Variants in WIPF3 observed in about 807,000 individuals in gnomAD.
WIPF3 encodes WAS/WASL-interacting protein family member 3.
In WIPF3, 33 loss-of-function variants were observed where a neutral mutation model predicts 38.9. The ratio of observed to expected loss-of-function variants is 0.85; its 90% CI spans 0.64 to 1.14. The LOEUF is 1.14. Among genes scored for constraint, WIPF3 ranks in the 50% most tolerant of loss-of-function variants. The pLI is 0.00. For synonymous variants in WIPF3, 324 were observed against 269.3 expected, an observed-to-expected ratio of 1.20 and a Z score of -1.99; for missense variants, 711 against 652.5, an observed-to-expected ratio of 1.09 and a Z score of -0.98.
Position 29,904,240 on chromosome 7 carries a change from C to T in WIPF3, c.1352-46C>T, listed in dbSNP as rs573284145. 35 of 1,585,892 alleles carry T rather than the reference C, an allele frequency of 2.2e-5. No homozygotes were observed. The Admixed American group carries it at 2.3e-4, about 11-fold the overall frequency. On this transcript the variant is annotated intron_variant, in intron 7 of 8. Transcript: ENST00000242140. ...AGTTTCTCTGTGAAACATGCACACC[C>T]GGTCCCTGGGCCAATAGATAATGAG...
intron 4 of WIPF3, among the ~76,000 whole-genome samples, chr7:29,883,391 A>G (rs1785763282): frequency 6.6e-6 from 1 of 152,248 alleles, no homozygotes; most frequent in Non-Finnish European, 1.5e-5. Context: ...CAAATTTCAC[A>G]AAATGCTGGG....
chr7:29,835,093 G>C (rs1241398821), intron 2 of WIPF3, among the ~76,000 whole-genome samples: 2 of 151,756 alleles, frequency 1.3e-5, no homozygotes, highest in Admixed American at 1.3e-4. Context: ...ACAGGCTCGC[G>C]AGTCTGAGTG....
intron 3 of WIPF3, among the ~76,000 whole-genome samples, chr7:29,876,657 A>G (rs748507350): frequency 1.3e-5 from 2 of 152,246 alleles, no homozygotes; most frequent in Non-Finnish European, 2.9e-5. Flanking sequence ...CCTTGTGTCA[A>G]CATGGTCCTT....
At chr7:29,812,350 A>G (rs1784392995) in intron 1 of WIPF3, among the ~76,000 whole-genome samples, 1 of 152,194 alleles carries the variant, frequency 6.6e-6, no homozygotes, top group Admixed American at 6.5e-5. Flanking sequence ...CTCCTAAGAA[A>G]GGCAGTCTGG....
intron 1 of WIPF3, among the ~76,000 whole-genome samples, chr7:29,818,857 A>G (rs1784496155): frequency 6.6e-6 from 1 of 152,162 alleles, no homozygotes; most frequent in African/African-American, 2.4e-5. Context: ...ATTTAGAGGC[A>G]GCTATGGAGA....
chr7:29,850,551 CG>C (rs924956884), intron 2 of WIPF3, among the ~76,000 whole-genome samples: 5 of 152,222 alleles, frequency 3.3e-5, no homozygotes, highest in African/African-American at 1.2e-4. Flanking sequence ...GGCAGGGCAG[CG>C]CCCCTTCAGT....
In WIPF3 at chr7:29,879,111, T is replaced by TGA. The variant is rs1413397771; in HGVS notation, c.327_328insAG (p.Arg110SerfsTer9). ...CTGTTTGCTGGTGGCTTTCCTGTAT[T>TGA]GCGACCAGCAGGCCAGCGGGATGTA... On this transcript the variant is annotated frameshift_variant, in exon 4 of 9. Coordinates refer to ENST00000242140, the MANE Select transcript of WIPF3 (RefSeq NM_001080529.3). LOFTEE classifies it high-confidence loss of function. 6.2e-7 allele frequency: 1 copy of TGA among 1,612,570 alleles called. No individual in the cohort carries two copies. Among genetic ancestry groups the TGA allele is most frequent in the Non-Finnish European group, 8.5e-7 (1 of 1,179,356 alleles).
chr7:29,817,087 A>G (rs1224120286), intron 1 of WIPF3, among the ~76,000 whole-genome samples: 1 of 152,072 alleles, frequency 6.6e-6, no homozygotes. Flanking sequence ...TTTGACTTGC[A>G]TTTTCTCATT....
chr7:29,872,925 T>C (rs1762662949), intron 2 of WIPF3, among the ~76,000 whole-genome samples: 2 of 151,438 alleles, frequency 1.3e-5, no homozygotes, highest in African/African-American at 4.9e-5. Flanking sequence ...GAATGTTAAA[T>C]TTAGCCCACA....
intron 3 of WIPF3, among the ~76,000 whole-genome samples, chr7:29,876,340 C>A (rs1785596949): frequency 6.6e-6 from 1 of 152,204 alleles, no homozygotes; most frequent in South Asian, 2.1e-4. Context: ...AGTTCCAGAA[C>A]ATTTACATCA....
At chr7:29,820,430 T>G (rs1333888384) in intron 1 of WIPF3, among the ~76,000 whole-genome samples, 1 of 152,166 alleles carries the variant, frequency 6.6e-6, no homozygotes. Flanking sequence ...TTATTATTTT[T>G]GTTATGTGTT....
chr7:29,898,813 C>T (rs997640235), intron 7 of WIPF3, among the ~76,000 whole-genome samples: 1 of 152,170 alleles, frequency 6.6e-6, no homozygotes, highest in Non-Finnish European at 1.5e-5. Context: ...AATATACAAA[C>T]TATTTTTTAC....
At chr7:29,812,883 T>C (rs554906771) in intron 1 of WIPF3, among the ~76,000 whole-genome samples, 5 of 152,360 alleles carry the variant, frequency 3.3e-5, no homozygotes, top group Admixed American at 3.3e-4. Context: ...TTCATGGAAT[T>C]AGTGTTAGAG....
At chr7:29,905,410 A>G (rs1786375990) in intron 8 of WIPF3, 1 of 152,240 alleles carries the variant, frequency 6.6e-6, no homozygotes, top group Non-Finnish European at 1.5e-5. Flanking sequence ...GTGGACAACA[A>G]TTGCATTGGC....
intron 2 of WIPF3, among the ~76,000 whole-genome samples, chr7:29,842,693 A>T (rs1171092438): frequency 6.6e-6 from 1 of 152,154 alleles, no homozygotes; most frequent in East Asian, 1.9e-4. Context: ...AAAATGGAGA[A>T]AATGGAGTGC....
intron 6 of WIPF3, among the ~76,000 whole-genome samples, chr7:29,889,005 A>AT (rs1168134779): frequency 6.6e-6 from 1 of 152,158 alleles, no homozygotes; most frequent in Non-Finnish European, 1.5e-5. Flanking sequence ...GGAGAGCCCC[A>AT]TGCCACTTCC....
Position 29,878,580 on chromosome 7 carries a change from T to TCCACTGACTTCTGACTTCAG in WIPF3, c.224-429_224-428insCCACTGACTTCTGACTTCAG, listed in dbSNP as rs1175067196. On this transcript the variant is annotated intron_variant, in intron 3 of 8. Coordinates refer to ENST00000242140, the MANE Select transcript of WIPF3 (RefSeq NM_001080529.3). This position sits in a 1 kb window ranked among gnomAD's most constrained non-coding sequence, Gnocchi z 4.0. ...TGGTCAGCGCTCTGTGGACAAGAAG[T>TCCACTGACTTCTGACTTCAG]TAAAATGACTGACTGAATTAAATCT... Among the ~76,000 whole-genome samples, 2 of 152,160 alleles carry TCCACTGACTTCTGACTTCAG rather than the reference T, an allele frequency of 1.3e-5. No individual in the cohort carries two copies. The highest frequency in any genetic ancestry group is 4.8e-5 in the African/African-American group (2 of 41,444).
In WIPF3 at chr7:29,884,521, C is replaced by G. The variant is rs1273203946; in HGVS notation, c.1027C>G (p.Gln343Glu). ...GGCCCCACCGCAGAAGGCCGGTGCGCAGGCCTTGCCCGCCCCGCCTGCCCC... is the reference window on the plus strand; with the variant it reads ...GGCCCCACCGCAGAAGGCCGGTGCGGAGGCCTTGCCCGCCCCGCCTGCCCC... The part of the protein sequence containing the change: ...FQAPPQKAGA[Q>E]ALPAPPAPPG... The change falls in exon 5 of 9, where the codon CAG (glutamine) becomes GAG (glutamate). Residue 343 changes from glutamine to glutamate, a missense_variant. Gln to Glu is a conservative substitution (Grantham distance 29). Coordinates refer to ENST00000242140, the MANE Select transcript of WIPF3 (RefSeq NM_001080529.3). The G allele has an allele frequency of 6.3e-7, 1 of 1,583,886 alleles. No homozygotes were observed. The highest frequency in any genetic ancestry group is 1.2e-5 in the South Asian group (1 of 86,468).
At position 29,818,304 on chromosome 7, in the gene WIPF3, A is replaced by C. The variant is rs1784486350; in HGVS notation, c.-58+11626A>C. ...CCCCATCTCTACTAAATATACAAAA[A>C]TTAACTGGGGTGGTGGCACATGCCT... is the stretch of plus-strand genomic sequence containing the variant. On this transcript the variant is annotated intron_variant, in intron 1 of 8. Coordinates refer to ENST00000242140, the MANE Select transcript of WIPF3 (RefSeq NM_001080529.3). Among the ~76,000 whole-genome samples, 3 of 152,074 alleles carry C rather than the reference A, an allele frequency of 2.0e-5. No homozygotes were observed. In the South Asian group the frequency reaches 6.2e-4, roughly 32 times the overall value.
Sources: allele counts gnomAD v4.1 joint callset (sites outside exome capture counted in the v4.1 genomes callset), GRCh38; gene constraint gnomAD v4.1.1; non-coding constraint Gnocchi (gnomAD v3.1); transcripts MANE v1.5; gene names NCBI Gene and HGNC (gene_info 2026-07-23, HGNC 2026-07-21).